Variants in CNKSR2 observed in about 807,000 individuals in gnomAD.
CNKSR2 encodes CNK homolog protein 2.
CNKSR2 carries 14 observed loss-of-function variants against 84.4 expected under a neutral mutation model. The ratio of observed to expected loss-of-function variants is 0.17; its 90% CI spans 0.11 to 0.26. The LOEUF is 0.26. CNKSR2 is among the 10% of genes least tolerant of loss of function. The probability of loss-of-function intolerance (pLI) is 1.00; values close to 1 mark genes in which losing one functional copy is unlikely to be tolerated. For missense variants in CNKSR2, 485 were observed against 771.2 expected, an observed-to-expected ratio of 0.63 and a Z score of 4.40; for synonymous variants, 275 against 277.9, an observed-to-expected ratio of 0.99 and a Z score of 0.10.
At chrX:21,646,622 G>A (rs1255416796) in intron 20 of CNKSR2, among the ~76,000 whole-genome samples, 1 of 111,127 alleles carries the variant, frequency 9.0e-6, no homozygotes, top group African/African-American at 3.3e-5. Flanking sequence ...AAAATACTCT[G>A]CCTCCCTTAA....
intron 11 of CNKSR2, among the ~76,000 whole-genome samples, chrX:21,536,754 G>A (rs1306691145): frequency 9.3e-6 from 1 of 107,109 alleles, no homozygotes; most frequent in African/African-American, 3.4e-5. Flanking sequence ...GGTAATCTCT[G>A]TTCTTAGTCT....
intron 11 of CNKSR2, among the ~76,000 whole-genome samples, chrX:21,539,789 GT>G (rs145568707): frequency 1.2e-4 from 13 of 107,523 alleles, no homozygotes; most frequent in Non-Finnish European, 2.3e-4. Context: ...ATTCTCCAAA[GT>G]TTTTTTTTTA....
At chrX:21,419,430 A>G (rs1194687949) in intron 1 of CNKSR2, among the ~76,000 whole-genome samples, 5 of 110,780 alleles carry the variant, frequency 4.5e-5, no homozygotes, top group African/African-American at 1.6e-4. Context: ...TGATGAGGTT[A>G]TGTTTTCCTG....
intron 20 of CNKSR2, among the ~76,000 whole-genome samples, chrX:21,634,648 C>A (rs1244117620): frequency 9.1e-6 from 1 of 109,873 alleles, no homozygotes; most frequent in Non-Finnish European, 1.9e-5. Context: ...GAAGTAATGT[C>A]TTTAGATTTT....
intron 2 of CNKSR2, 28 bp downstream of exon 2, chrX:21,426,688 A>G: frequency 8.7e-7 from 1 of 1,154,852 alleles, no homozygotes; most frequent in Admixed American, 3.0e-5. Flanking sequence ...GTGAAGAGGG[A>G]AACTTCTCTT....
intron 6 of CNKSR2, chrX:21,492,033 C>T (rs1185016468): frequency 9.0e-6 from 1 of 110,792 alleles, no homozygotes; most frequent in Non-Finnish European, 1.9e-5. Context: ...TAAATTTAAC[C>T]ACCTTGGCCT....
intron 1 of CNKSR2, among the ~76,000 whole-genome samples, chrX:21,383,690 GTGTT>G (rs1043372120): frequency 8.3e-5 from 9 of 107,981 alleles, no homozygotes; most frequent in Non-Finnish European, 1.7e-4. Flanking sequence ...TTTTTTTTTG[GTGTT>G]TGTTTGAACT....
intron 11 of CNKSR2, among the ~76,000 whole-genome samples, chrX:21,560,440 A>G (rs924542442): frequency 4.5e-5 from 5 of 111,265 alleles, no homozygotes; most frequent in African/African-American, 1.6e-4. Flanking sequence ...GGATAATGAT[A>G]GTATAGTTCT....
At chrX:21,423,211 C>G (rs372090491) in intron 1 of CNKSR2, 2 of 111,338 alleles carry the variant, frequency 1.8e-5, no homozygotes, top group East Asian at 5.7e-4. Context: ...TGGAAACCAT[C>G]CTTTCCGTTC....
intron 20 of CNKSR2, among the ~76,000 whole-genome samples, chrX:21,617,077 G>C (rs1027838785): frequency 9.0e-6 from 1 of 111,512 alleles, no homozygotes; most frequent in African/African-American, 3.3e-5. Context: ...CCCCTCACTA[G>C]CATAGGTAAG....
In CNKSR2 at chrX:21,374,630, A is replaced by AGCCGCCGCCGCC. The variant is rs76791548; in HGVS notation, c.-261_-250dup. ...CAGCAGCAGCAGCAGCAGCAGCAGC[A>AGCCGCCGCCGCC]GCCGCCGCCGCCGCCGCCTTAGCGG... On this transcript the variant is annotated 5_prime_UTR_variant, in exon 1 of 22. Transcript: ENST00000379510. 1.8e-5 allele frequency: 8 copies of AGCCGCCGCCGCC among 448,635 alleles called. No homozygotes were observed. Among genetic ancestry groups the AGCCGCCGCCGCC allele is most frequent in the South Asian group, 1.1e-4 (4 of 35,342 alleles). The allele number at this position is 448,635 out of a possible 1,213,427, so 37.0% of individuals were successfully genotyped here.
chrX:21,437,461 C>G (rs968784168), intron 3 of CNKSR2, among the ~76,000 whole-genome samples: 44 of 100,920 alleles, frequency 4.4e-4, no homozygotes, highest in Non-Finnish European at 8.0e-4. Flanking sequence ...ACTCTGTCGC[C>G]CAGCCTAGAG....
At chrX:21,628,505 C>G (rs760321381) in intron 20 of CNKSR2, among the ~76,000 whole-genome samples, 34 of 111,899 alleles carry the variant, frequency 3.0e-4, no homozygotes, top group Non-Finnish European at 3.0e-4. Context: ...CTGCCTGCAT[C>G]CAGGCGTTTC....
At position 21,609,319 on chromosome X, in the gene CNKSR2, G is replaced by C. The variant is rs753046688; in HGVS notation, c.2394G>C (p.Ala798=). The change falls in exon 20 of 22, where the codon GCG becomes GCC. Residue 798 remains alanine (A), a synonymous_variant. Transcript: ENST00000379510. ...PLEDSVFSDS[A]AISPEHRRQS... ...AGGATTCTGTCTTCTCTGACTCCGC[G>C]GCCATCTCCCCAGAGCACAGGCGGC... 2 of 1,209,473 alleles carry C rather than the reference G, an allele frequency of 1.7e-6. No homozygotes were observed. The highest frequency in any genetic ancestry group is 2.2e-6 in the Non-Finnish European group (2 of 895,067).
chrX:21,643,514 T>C (rs1416686131), intron 20 of CNKSR2: 1 of 111,962 alleles, frequency 8.9e-6, no homozygotes, highest in East Asian at 2.8e-4. Context: ...ACACAAGTAC[T>C]TGATTTCAGT....
At chrX:21,464,592 A>G (rs1004127291) in intron 4 of CNKSR2, among the ~76,000 whole-genome samples, 7 of 111,509 alleles carry the variant, frequency 6.3e-5, no homozygotes, top group African/African-American at 2.3e-4. Flanking sequence ...TAACTGAGAT[A>G]TGGCACAAAA....
intron 13 of CNKSR2, among the ~76,000 whole-genome samples, chrX:21,576,829 A>G (rs955633182): frequency 3.6e-5 from 4 of 112,012 alleles, no homozygotes; most frequent in Non-Finnish European, 7.5e-5. Flanking sequence ...ATAACTATTA[A>G]AGAAATTTAA....
At chrX:21,377,426 C>T (rs1378152541) in intron 1 of CNKSR2, among the ~76,000 whole-genome samples, 2 of 111,799 alleles carry the variant, frequency 1.8e-5, no homozygotes, top group African/African-American at 6.5e-5. Context: ...AAGTCAACTG[C>T]TAATTTAGGC....
At chrX:21,426,736 CTT>C (rs1185559203) in intron 2 of CNKSR2, 76 bp downstream of exon 2, 1 of 1,052,182 alleles carries the variant, frequency 9.5e-7, no homozygotes, top group East Asian at 3.4e-5. Context: ...TTCTTCTCCT[CTT>C]TTGATAATCG....
Sources: allele counts gnomAD v4.1 joint callset (sites outside exome capture counted in the v4.1 genomes callset), GRCh38; gene constraint gnomAD v4.1.1; transcripts MANE v1.5; gene names NCBI Gene and HGNC (gene_info 2026-07-23, HGNC 2026-07-21).